NSD2: variants seen among roughly 807,000 people sequenced by gnomAD.
NSD2 encodes nuclear receptor binding SET domain protein 2.
In NSD2, 12 loss-of-function variants were observed where a neutral mutation model predicts 139.0. The ratio of observed to expected loss-of-function variants is 0.09; its 90% CI spans 0.06 to 0.14. The LOEUF (loss-of-function observed/expected upper bound fraction) is 0.14. Among genes scored for constraint, NSD2 ranks in the 10% least tolerant of loss-of-function variants. The probability of loss-of-function intolerance (pLI) is 1.00; values close to 1 mark genes in which losing one functional copy is unlikely to be tolerated. For synonymous variants in NSD2, 669 were observed against 648.7 expected, an observed-to-expected ratio of 1.03 and a Z score of -0.48; for missense variants, 1,155 against 1,745.0, an observed-to-expected ratio of 0.66 and a Z score of 6.02.
In NSD2 at chr4:1,937,026, C is replaced by T. The variant is rs552673550; in HGVS notation, c.1675-1425C>T. Among the ~76,000 whole-genome samples the T allele has an allele frequency of 4.6e-5, 7 of 152,056 alleles. No individual in the cohort carries two copies. The South Asian group carries it at 1.5e-3, about 32-fold the overall frequency. On this transcript the variant is annotated intron_variant, in intron 7 of 21. Transcript: ENST00000508803. Reference sequence around the variant, plus strand: ...CTAAGGTTTGTAGTTACCAGGAAGCCTGCACTTAACATTTGCTCTGGTCAC... The same window carrying T: ...CTAAGGTTTGTAGTTACCAGGAAGCTTGCACTTAACATTTGCTCTGGTCAC...
At chr4:1,966,520 G>A (rs750218606) in intron 18 of NSD2, among the ~76,000 whole-genome samples, 7 of 152,050 alleles carry the variant, frequency 4.6e-5, no homozygotes, top group Non-Finnish European at 8.8e-5. Flanking sequence ...AGCCGGGCGT[G>A]GTGGCAGGCG....
At chr4:1,926,027 TCCTGG>T (rs1272965113) in intron 5 of NSD2, among the ~76,000 whole-genome samples, 1 of 151,784 alleles carries the variant, frequency 6.6e-6, no homozygotes, top group Non-Finnish European at 1.5e-5. Flanking sequence ...GGACTCAAAC[TCCTGG>T]CCTTAAGCGA....
At chr4:1,886,978 TC>T (rs1171354606) in intron 1 of NSD2, among the ~76,000 whole-genome samples, 1 of 152,128 alleles carries the variant, frequency 6.6e-6, no homozygotes, top group African/African-American at 2.4e-5. Flanking sequence ...CCCTTCTTCT[TC>T]CCAACATTCC....
At chr4:1,911,604 AAAAGAAAAAAAAAAAG>A (rs1718694565) in intron 3 of NSD2, among the ~76,000 whole-genome samples, 1 of 148,228 alleles carries the variant, frequency 6.7e-6, no homozygotes, top group Non-Finnish European at 1.5e-5. Flanking sequence ...AAAAAAAAAA[AAAAGAAAAAAAAAAAG>A]AAAGAAAGAA....
chr4:1,940,171 G>C (rs1052395886), intron 9 of NSD2: 17 of 1,094,238 alleles, frequency 1.6e-5, no homozygotes, highest in Non-Finnish European at 1.7e-5. Flanking sequence ...TATACTGGGT[G>C]GGGTGGAAGG....
Position 1,916,953 on chromosome 4 carries a change from C to A in NSD2, c.843C>A (p.Leu281=). The A allele has an allele frequency of 6.2e-7, 1 of 1,614,080 alleles. No individual in the cohort carries two copies. Among genetic ancestry groups the A allele is most frequent in the African/African-American group, 1.3e-5 (1 of 75,018 alleles). Residue 281 remains leucine, a synonymous_variant, in exon 4 of 22, where the codon CTC becomes CTA. Coordinates refer to ENST00000508803, the MANE Select transcript of NSD2 (RefSeq NM_001042424.3). ...GAGCTTGGATATTTGAGAAGAGCCT[C>A]GTAGCTTTTGAAGGAGAAGGACAGT... The part of the protein sequence containing the change: ...PERAWIFEKS[L]VAFEGEGQFE...
chr4:1,954,244 C>T (rs1044789315), intron 12 of NSD2, among the ~76,000 whole-genome samples: 2 of 152,052 alleles, frequency 1.3e-5, no homozygotes, highest in African/African-American at 4.8e-5. Context: ...CTCAGCCTCC[C>T]AAAGTGCTGG....
chr4:1,937,651 G>A (rs1391832620), intron 7 of NSD2, among the ~76,000 whole-genome samples: 1 of 152,154 alleles, frequency 6.6e-6, no homozygotes, highest in Non-Finnish European at 1.5e-5. Context: ...TGTCCCAAGT[G>A]CATTCTCCTG....
intron 1 of NSD2, among the ~76,000 whole-genome samples, chr4:1,884,693 C>T (rs1010317146): frequency 6.6e-6 from 1 of 152,070 alleles, no homozygotes; most frequent in African/African-American, 2.4e-5. Context: ...GGCCCAGCCT[C>T]GTTCTTTATC....
intron 18 of NSD2, among the ~76,000 whole-genome samples, chr4:1,967,183 T>TAA (rs750735104): frequency 5.9e-5 from 9 of 152,032 alleles, no homozygotes; most frequent in Non-Finnish European, 1.2e-4. Flanking sequence ...TGAGATGAAA[T>TAA]AGACAAATTC....
intron 5 of NSD2, among the ~76,000 whole-genome samples, chr4:1,924,047 G>A (rs1223345628): frequency 2.6e-5 from 4 of 152,188 alleles, no homozygotes; most frequent in African/African-American, 9.7e-5. Context: ...AACACCTGGT[G>A]GAGTAGCTGT....
In NSD2 at chr4:1,900,878, C is replaced by T; in HGVS notation, c.224C>T (p.Pro75Leu). ...FNGHDALPFI[P>L]ADKLKDLTSR... ...GGCCACGACGCCCTGCCCTTTATTC[C>T]AGCCGACAAGCTGAAAGATCTTACT... is the stretch of plus-strand genomic sequence containing the variant. Residue 75 changes from proline (P) to leucine (L), a missense_variant, in exon 2 of 22, where the codon CCA becomes CTA. Coordinates refer to ENST00000508803, the MANE Select transcript of NSD2 (RefSeq NM_001042424.3). 6.2e-7 allele frequency: 1 copy of T among 1,613,032 alleles called. No individual in the cohort carries two copies. The highest frequency in any genetic ancestry group is 8.5e-7 in the Non-Finnish European group (1 of 1,179,252).
intron 11 of NSD2, chr4:1,952,652 A>C: frequency 1.0e-6 from 1 of 972,070 alleles, no homozygotes; most frequent in Non-Finnish European, 1.3e-6. Flanking sequence ...CTTTATGAAG[A>C]CACAGTGTCA....
chr4:1,946,978 A>T, intron 9 of NSD2: 1 of 1,062,822 alleles, frequency 9.4e-7, no homozygotes, highest in Non-Finnish European at 1.1e-6. Flanking sequence ...AAGCATGCTG[A>T]CCATCCAGGC....
At position 1,979,850 on chromosome 4, in the gene NSD2, G is replaced by C. The variant is rs1577599231; in HGVS notation, c.*941G>C. 1.7e-5 allele frequency: 4 copies of C among 232,684 alleles called. No individual in the cohort carries two copies. In the East Asian group the frequency reaches 2.4e-4, roughly 14 times the overall value. 14.4% of individuals were successfully genotyped at this position (232,684 alleles called of 1,614,324 possible). A position where few individuals can be genotyped will look rare whatever the true frequency, so the allele number is the denominator to read the frequency against. ...GCGGCCCTGAGCTCCATGGCGAAAG[G>C]AGTGACTTTGCAGGGCGTGAGACCG... On this transcript the variant is annotated 3_prime_UTR_variant, in exon 22 of 22. Coordinates refer to ENST00000508803, the MANE Select transcript of NSD2 (RefSeq NM_001042424.3).
At position 1,901,206 on chromosome 4, in the gene NSD2, C is replaced by G. The variant is rs766116822; in HGVS notation, c.552C>G (p.Val184=). The part of the protein sequence containing the change: ...KYDSLLEQGL[V]EAALVSKISS... Reference sequence around the variant, plus strand: ...ACTCCTTGCTGGAGCAGGGCCTTGTCGAAGCAGCTCTTGTGTCTAAGATCT... The same window carrying G: ...ACTCCTTGCTGGAGCAGGGCCTTGTGGAAGCAGCTCTTGTGTCTAAGATCT... Residue 184 remains valine, a synonymous_variant, in exon 2 of 22, where the codon GTC becomes GTG. Coordinates refer to ENST00000508803, the MANE Select transcript of NSD2 (RefSeq NM_001042424.3). The G allele has an allele frequency of 6.2e-7, 1 of 1,600,710 alleles. No individual in the cohort carries two copies. The highest frequency in any genetic ancestry group is 8.5e-7 in the Non-Finnish European group (1 of 1,175,246).
intron 1 of NSD2, among the ~76,000 whole-genome samples, chr4:1,879,241 C>T (rs565821116): frequency 3.9e-5 from 6 of 151,968 alleles, no homozygotes; most frequent in South Asian, 2.1e-4. Flanking sequence ...TTTTTTGAGA[C>T]GGAGTCTCGC....
intron 5 of NSD2, among the ~76,000 whole-genome samples, chr4:1,925,009 T>C (rs1294008807): frequency 6.6e-6 from 1 of 152,230 alleles, no homozygotes; most frequent in Admixed American, 6.5e-5. Flanking sequence ...GTAAGGCCCA[T>C]GGGGCCTCCC....
intron 6 of NSD2, among the ~76,000 whole-genome samples, chr4:1,932,192 T>A (rs188912453): frequency 1.6e-4 from 24 of 152,240 alleles, no homozygotes; most frequent in Non-Finnish European, 3.1e-4. Flanking sequence ...ATCCCAGCAC[T>A]TTGGGAGGCC....
Sources: allele counts gnomAD v4.1 joint callset (sites outside exome capture counted in the v4.1 genomes callset), GRCh38; gene constraint gnomAD v4.1.1; transcripts MANE v1.5; gene names NCBI Gene and HGNC (gene_info 2026-07-23, HGNC 2026-07-21).